The following ERBB4 variants were observed in gnomAD, a reference collection of about 807,000 sequenced individuals.
ERBB4 encodes the protein receptor tyrosine-protein kinase erbB-4.
A neutral mutation model predicts 158.0 loss-of-function variants in ERBB4; 42 were observed. The ratio of observed to expected loss-of-function variants is 0.27; its 90% CI spans 0.21 to 0.34. The LOEUF is 0.34. Among genes scored for constraint, ERBB4 ranks in the 10% least tolerant of loss-of-function variants. ERBB4 has a pLI of 1.00. For synonymous variants in ERBB4, 583 were observed against 558.7 expected (o/e 1.04, Z -0.61); for missense variants, 1,333 against 1,624.1 (o/e 0.82, Z 3.08).
intron 1 of ERBB4, among the ~76,000 whole-genome samples, chr2:212,213,665 T>A (rs889181469): frequency 6.6e-6 from 1 of 151,876 alleles, no homozygotes; most frequent in South Asian, 2.1e-4. Flanking sequence ...AATGCACTCA[T>A]TCAATTTCTT....
chr2:212,072,200 A>C (rs1440221166), intron 2 of ERBB4, among the ~76,000 whole-genome samples: 3 of 151,972 alleles, frequency 2.0e-5, no homozygotes, highest in Non-Finnish European at 2.9e-5. Context: ...ACTCTACTAA[A>C]CTTGATGGAT....
rs1252615818 is a variant in ERBB4 at position 211,965,427 on chromosome 2, C to G, written c.235-17811G>C. 2.6e-5 allele frequency among the ~76,000 whole-genome samples: 4 copies of G among 152,180 alleles called. No individual in the cohort carries two copies. In the East Asian group the frequency reaches 7.7e-4, roughly 29 times the overall value. ...CATAAACATATAAATATGCCATCTTCATAAAAGATTTGCCTGATATAGTCA... is the reference window on the plus strand; with the variant it reads ...CATAAACATATAAATATGCCATCTTGATAAAAGATTTGCCTGATATAGTCA... On this transcript the variant is annotated intron_variant, in intron 2 of 27. Transcript: ENST00000342788.
chr2:211,844,733 G>T (rs2077551221), intron 3 of ERBB4, among the ~76,000 whole-genome samples: 1 of 152,128 alleles, frequency 6.6e-6, no homozygotes, highest in African/African-American at 2.4e-5. Context: ...AATAATGGAT[G>T]ATACATGACT....
Position 211,384,017 on chromosome 2 carries a change from T to G in ERBB4, c.3525A>C (p.Arg1175Ser), listed in dbSNP as rs1160303514. Reference sequence around the variant, plus strand: ...CCAATGCTTGAAGGTCTCCATTTTTTCTCCGAGAAACAAAAGGGTTCTCCT... The same window carrying G: ...CCAATGCTTGAAGGTCTCCATTTTTGCTCCGAGAAACAAAAGGGTTCTCCT... ...PVEENPFVSR[R>S]KNGDLQALDN... Residue 1175 changes from arginine to serine, a missense_variant, in exon 28 of 28, where the codon AGA (arginine) becomes AGC (serine). Arg to Ser is a moderately radical substitution (Grantham distance 110). Coordinates refer to ENST00000342788, the MANE Select transcript of ERBB4 (RefSeq NM_005235.3). 20 of 1,613,916 alleles carry G rather than the reference T, an allele frequency of 1.2e-5. No individual in the cohort carries two copies. Among genetic ancestry groups the G allele is most frequent in the Non-Finnish European group, 1.5e-5 (18 of 1,179,986 alleles).
intron 3 of ERBB4, among the ~76,000 whole-genome samples, chr2:211,805,787 T>A (rs2076599216): frequency 6.6e-6 from 1 of 151,884 alleles, no homozygotes. Flanking sequence ...ACAGATAATT[T>A]GAGAAAAAAA....
chr2:211,647,871 G>A (rs1037101170), intron 16 of ERBB4, among the ~76,000 whole-genome samples: 4 of 151,666 alleles, frequency 2.6e-5, no homozygotes, highest in East Asian at 1.9e-4. Flanking sequence ...TTTACTTGGC[G>A]TCCAGGGCTT....
chr2:212,457,658 T>C (rs945819175), intron 1 of ERBB4, among the ~76,000 whole-genome samples: 3 of 152,106 alleles, frequency 2.0e-5, no homozygotes, highest in Non-Finnish European at 2.9e-5. Context: ...TTATTCAACA[T>C]TGTTTAAGCA....
At chr2:211,440,690 C>G (rs1456864218) in intron 20 of ERBB4, among the ~76,000 whole-genome samples, 1 of 152,174 alleles carries the variant, frequency 6.6e-6, no homozygotes, top group Non-Finnish European at 1.5e-5. Context: ...CTTCTGCCAT[C>G]ATATAGACCT....
intron 25 of ERBB4, among the ~76,000 whole-genome samples, chr2:211,406,351 G>A (rs1176304827): frequency 6.6e-6 from 1 of 152,114 alleles, no homozygotes; most frequent in Non-Finnish European, 1.5e-5. Flanking sequence ...ATGAATAAAT[G>A]CTTCTGCTAC....
chr2:212,474,136 A>G (rs1484258968), intron 1 of ERBB4, among the ~76,000 whole-genome samples: 2 of 152,166 alleles, frequency 1.3e-5, no homozygotes, highest in African/African-American at 4.8e-5. Flanking sequence ...TAAAGAAAAT[A>G]GTAAATTTGA....
intron 1 of ERBB4, among the ~76,000 whole-genome samples, chr2:212,407,274 T>C (rs1443028099): frequency 6.6e-6 from 1 of 151,978 alleles, no homozygotes; most frequent in Non-Finnish European, 1.5e-5. Context: ...TACTATAGAA[T>C]TGAATACCTG....
chr2:212,117,089 C>T (rs1247103405), intron 2 of ERBB4, among the ~76,000 whole-genome samples: 1 of 152,150 alleles, frequency 6.6e-6, no homozygotes, highest in Non-Finnish European at 1.5e-5. Flanking sequence ...TTAGAAACAG[C>T]TTTCAGATAC....
intron 2 of ERBB4, among the ~76,000 whole-genome samples, chr2:211,996,801 C>T (rs1464127192): frequency 1.3e-5 from 2 of 152,178 alleles, no homozygotes; most frequent in Admixed American, 6.6e-5. Flanking sequence ...GTAAGAGAAA[C>T]ATCTCCCTGG....
chr2:211,622,929 C>CTA (rs2069659200), intron 18 of ERBB4, among the ~76,000 whole-genome samples: 1 of 118,630 alleles, frequency 8.4e-6, no homozygotes, highest in Non-Finnish European at 1.6e-5. Context: ...CACCATTGCA[C>CTA]TACAGCCTGG....
At chr2:211,512,026 T>C (rs1401235302) in intron 20 of ERBB4, among the ~76,000 whole-genome samples, 2 of 152,078 alleles carry the variant, frequency 1.3e-5, no homozygotes, top group Non-Finnish European at 2.9e-5. Flanking sequence ...TCACACAGCA[T>C]TGGTTTAATT....
At chr2:212,369,620 A>G (rs1293945371) in intron 1 of ERBB4, among the ~76,000 whole-genome samples, 1 of 151,934 alleles carries the variant, frequency 6.6e-6, no homozygotes, top group East Asian at 1.9e-4. Flanking sequence ...GTTTACTTTA[A>G]TCCATCAGAG....
intron 2 of ERBB4, among the ~76,000 whole-genome samples, chr2:212,107,974 C>CGGG (rs1055567271): frequency 6.6e-6 from 1 of 152,080 alleles, no homozygotes; most frequent in African/African-American, 2.4e-5. Context: ...TACACAGTCT[C>CGGG]GGGTTTGTCT....
intron 4 of ERBB4, among the ~76,000 whole-genome samples, chr2:211,756,924 T>G (rs2075299437): frequency 6.6e-6 from 1 of 152,238 alleles, no homozygotes; most frequent in Non-Finnish European, 1.5e-5. Context: ...CTTTGATTTG[T>G]GGACACATTC....
intron 21 of ERBB4, among the ~76,000 whole-genome samples, chr2:211,428,685 T>A (rs1012103028): frequency 2.0e-5 from 3 of 152,134 alleles, no homozygotes; most frequent in African/African-American, 7.2e-5. Context: ...ATAAAGTGAA[T>A]TAATCTAAAG....
Sources: gnomAD v4.1 joint callset for allele counts (sites outside exome capture counted in the v4.1 genomes callset) on GRCh38, gnomAD v4.1.1 for gene constraint, MANE v1.5 for transcripts, NCBI Gene and HGNC (gene_info 2026-07-23, HGNC 2026-07-21) for gene names.